Variants in PTPRN2 observed in about 807,000 individuals in gnomAD.
PTPRN2 encodes protein tyrosine phosphatase receptor type N2.
In PTPRN2, 74 loss-of-function variants were observed where a neutral mutation model predicts 118.8. The ratio of observed to expected loss-of-function variants is 0.62; its 90% CI spans 0.52 to 0.76. The LOEUF (loss-of-function observed/expected upper bound fraction) is 0.76, where lower values mean the gene tolerates loss of function less well. PTPRN2 is among the 30% of genes least tolerant of loss of function. The pLI, the probability that PTPRN2 is intolerant of heterozygous loss-of-function variation, is 0.00. For missense variants in PTPRN2, 1,481 were observed against 1,394.4 expected (o/e 1.06, Z -0.99); for synonymous variants, 641 against 608.0 (o/e 1.05, Z -0.80).
chr7:157,797,141 T>C (rs1455202256), intron 12 of PTPRN2, among the ~76,000 whole-genome samples: 3 of 152,158 alleles, frequency 2.0e-5, no homozygotes, highest in Admixed American at 1.3e-4. Context: ...CATCCCGGAT[T>C]TATCACTATA....
In PTPRN2 at chr7:157,603,264, T is replaced by C. The variant is rs1801789332; in HGVS notation, c.2418+738A>G. On this transcript the variant is annotated intron_variant, in intron 16 of 22. Transcript: ENST00000389418. This position sits in a 1 kb window ranked among gnomAD's most constrained non-coding sequence, Gnocchi z 5.4. ...CCTCCTCTGCTCACTCTGGGAGGGC[T>C]GCAAACCTCCCCATTCAGCCCTGCT... Among the ~76,000 whole-genome samples, 1 of 152,052 alleles carries C rather than the reference T, an allele frequency of 6.6e-6. No individual in the cohort carries two copies. Among genetic ancestry groups the C allele is most frequent in the South Asian group, 2.1e-4 (1 of 4,824 alleles).
chr7:157,743,978 C>T (rs548875208), intron 12 of PTPRN2, among the ~76,000 whole-genome samples: 54 of 152,332 alleles, frequency 3.5e-4, no homozygotes, highest in African/African-American at 1.3e-3. Context: ...AGCTGTGAGG[C>T]GGTGCCGTGA....
intron 12 of PTPRN2, among the ~76,000 whole-genome samples, chr7:157,695,824 G>A (rs899297728): frequency 1.3e-5 from 2 of 152,198 alleles, no homozygotes; most frequent in African/African-American, 4.8e-5. Context: ...CTGCATCTTA[G>A]TAGAGCCCTC....
chr7:157,768,653 ACACAT>A (rs1802626441), intron 12 of PTPRN2, among the ~76,000 whole-genome samples: 1 of 152,158 alleles, frequency 6.6e-6, no homozygotes, highest in South Asian at 2.1e-4. Context: ...AAAAACCTAA[ACACAT>A]CACCCCACAA....
At chr7:158,140,045 G>A (rs1819228344) in intron 6 of PTPRN2, among the ~76,000 whole-genome samples, 1 of 152,180 alleles carries the variant, frequency 6.6e-6, no homozygotes, top group African/African-American at 2.4e-5. Context: ...AAAAGCTCCT[G>A]AAAGGGTAAA....
At chr7:158,294,899 T>C (rs1800366616) in intron 3 of PTPRN2, among the ~76,000 whole-genome samples, 1 of 132,614 alleles carries the variant, frequency 7.5e-6, no homozygotes, top group Non-Finnish European at 1.6e-5. Flanking sequence ...ACCCTGCCTG[T>C]CTGCCCAGAC....
chr7:157,613,610 G>C (rs867315640), intron 15 of PTPRN2, among the ~76,000 whole-genome samples: 5 of 152,340 alleles, frequency 3.3e-5, no homozygotes, highest in Middle Eastern at 3.4e-3. Flanking sequence ...CGCGGGAGGA[G>C]GCCGCCGCGT....
chr7:158,476,119 C>T (rs900668087), intron 2 of PTPRN2, among the ~76,000 whole-genome samples: 4 of 152,194 alleles, frequency 2.6e-5, no homozygotes, highest in African/African-American at 9.7e-5. Flanking sequence ...ATCCTCCCAC[C>T]TCAGCCTCCC....
chr7:158,272,105 G>T (rs1024754535), intron 3 of PTPRN2, among the ~76,000 whole-genome samples: 2 of 152,174 alleles, frequency 1.3e-5, no homozygotes, highest in Non-Finnish European at 2.9e-5. Flanking sequence ...CTCCTACAAC[G>T]TGAAAATGAT....
At chr7:158,157,232 T>C (rs1821908075) in intron 6 of PTPRN2, among the ~76,000 whole-genome samples, 1 of 152,202 alleles carries the variant, frequency 6.6e-6, no homozygotes, top group Admixed American at 6.5e-5. Context: ...CAGAAGGTGG[T>C]GGGAGGAAAA....
At chr7:158,146,254 A>C (rs760115387) in intron 6 of PTPRN2, among the ~76,000 whole-genome samples, 1 of 152,064 alleles carries the variant, frequency 6.6e-6, no homozygotes, top group Non-Finnish European at 1.5e-5. Flanking sequence ...TTTTGAAACT[A>C]TTTTCTGCCA....
rs543398564 is a variant in PTPRN2 at position 158,145,039 on chromosome 7, C to T, written c.911-6524G>A. On this transcript the variant is annotated intron_variant, in intron 6 of 22. Transcript: ENST00000389418. ...TCATCGCGAGAAGGTTCCAGAATAC[C>T]ACGGCTCGGCAAGGTTTCCCTCACA... Among the ~76,000 whole-genome samples, 29 of 147,720 alleles carry T rather than the reference C, an allele frequency of 2.0e-4. 2 individuals are homozygous for T. The highest frequency in any genetic ancestry group is 4.6e-4 in the African/African-American group (18 of 39,188).
At chr7:157,727,764 T>C (rs964572079) in intron 12 of PTPRN2, among the ~76,000 whole-genome samples, 6 of 152,180 alleles carry the variant, frequency 3.9e-5, no homozygotes, top group African/African-American at 1.4e-4. Context: ...TCACGTAAAG[T>C]GTGAGGCGTG....
chr7:158,118,508 T>C (rs886255555), intron 9 of PTPRN2, among the ~76,000 whole-genome samples: 1 of 152,142 alleles, frequency 6.6e-6, no homozygotes, highest in Non-Finnish European at 1.5e-5. Flanking sequence ...ATAATGCACA[T>C]AGAAAACAAA....
chr7:158,028,179 C>T (rs1192595718), intron 11 of PTPRN2: 1 of 152,244 alleles, frequency 6.6e-6, no homozygotes, highest in Non-Finnish European at 1.5e-5. Context: ...CCAGCTCAGA[C>T]CAAAATTCTC....
intron 3 of PTPRN2, among the ~76,000 whole-genome samples, chr7:158,230,731 AAAGT>A (rs1195939802): frequency 2.6e-5 from 4 of 152,212 alleles, no homozygotes; most frequent in Non-Finnish European, 5.9e-5. Flanking sequence ...ACTTTACCAC[AAAGT>A]AAGACAGAAA....
rs869299301 is a variant in PTPRN2 at position 157,580,866 on chromosome 7, CCCTGCACACCCCAGCA to C, written c.2497-2742_2497-2727del. ...CACCCGAGCCCCTGCACACCCCAGC[CCCTGCACACCCCAGCA>C]CCTGCACACCCCAGCACCTCCACAC... On this transcript the variant is annotated intron_variant, in intron 17 of 22. Transcript: ENST00000389418. 2.9e-3 allele frequency among the ~76,000 whole-genome samples: 216 copies of C among 73,270 alleles called. 8 individuals are homozygous for C. The highest frequency in any genetic ancestry group is 0.012 in the East Asian group (20 of 1,680). 48.1% of individuals were successfully genotyped at this position (73,270 alleles called of 152,430 possible).
chr7:158,483,254 GA>G (rs1217911659), intron 2 of PTPRN2, among the ~76,000 whole-genome samples: 1 of 152,208 alleles, frequency 6.6e-6, no homozygotes, highest in African/African-American at 2.4e-5. Context: ...TGAACCTGGA[GA>G]GGGGTGAGAA....
At chr7:157,796,815 A>C (rs1804896032) in intron 12 of PTPRN2, among the ~76,000 whole-genome samples, 1 of 152,162 alleles carries the variant, frequency 6.6e-6, no homozygotes, top group South Asian at 2.1e-4. Context: ...GGGTCTCAGA[A>C]AACTCACTAT....
Sources: gnomAD v4.1 joint callset for allele counts (sites outside exome capture counted in the v4.1 genomes callset) on GRCh38, gnomAD v4.1.1 for gene constraint, Gnocchi (gnomAD v3.1) non-coding constraint, MANE v1.5 for transcripts, NCBI Gene and HGNC (gene_info 2026-07-23, HGNC 2026-07-21) for gene names.